The following GPM6A variants were observed in gnomAD, a reference collection of about 807,000 sequenced individuals.
GPM6A encodes the protein neuronal membrane glycoprotein M6-a.
A neutral mutation model predicts 32.1 loss-of-function variants in GPM6A; 7 were observed. That is an observed-to-expected ratio of 0.22 (90% CI 0.12 to 0.41). GPM6A has a LOEUF of 0.41. Ranked by LOEUF, GPM6A falls within the 10% of genes least tolerant of loss-of-function variation. The pLI, the probability that GPM6A is intolerant of heterozygous loss-of-function variation, is 1.00. For missense variants in GPM6A, 235 were observed against 347.2 expected (o/e 0.68, Z 2.57); for synonymous variants, 130 against 123.4 (o/e 1.05, Z -0.35).
chr4:175,663,080 A>T (rs1430502110), intron 3 of GPM6A, among the ~76,000 whole-genome samples: 1 of 152,150 alleles, frequency 6.6e-6, no homozygotes, highest in African/African-American at 2.4e-5. Context: ...ACTAATTACA[A>T]TGTAGGATCT....
chr4:175,671,312 A>G lies in GPM6A; in HGVS notation c.387+2368T>C, dbSNP rs537892603. ...TTTTATATACTTGTTGCAAAAAAAA[A>G]AAATCCACCCTTTAGTATTATTCAG... is the stretch of plus-strand genomic sequence containing the variant. On this transcript the variant is annotated intron_variant, in intron 3 of 6. Coordinates refer to ENST00000393658, the MANE Select transcript of GPM6A (RefSeq NM_201591.3). 4.7e-3 allele frequency among the ~76,000 whole-genome samples: 715 copies of G among 151,852 alleles called. 4 individuals are homozygous for G. Among genetic ancestry groups the G allele is most frequent in the Non-Finnish European group, 7.9e-3 (534 of 67,928 alleles).
At chr4:175,987,451 T>C (rs1405920988) in intron 1 of GPM6A, among the ~76,000 whole-genome samples, 3 of 152,072 alleles carry the variant, frequency 2.0e-5, no homozygotes, top group African/African-American at 7.2e-5. Flanking sequence ...AAAGTTCTCT[T>C]TATGATAGAT....
chr4:175,976,418 G>T (rs111662602), intron 1 of GPM6A, among the ~76,000 whole-genome samples: 1 of 150,734 alleles, frequency 6.6e-6, no homozygotes, highest in Admixed American at 6.6e-5. Context: ...CTCCCGCCTC[G>T]GCCTCCCAAA....
At chr4:175,698,936 TTTG>T (rs998190504) in intron 2 of GPM6A, among the ~76,000 whole-genome samples, 1 of 152,166 alleles carries the variant, frequency 6.6e-6, no homozygotes, top group Non-Finnish European at 1.5e-5. Flanking sequence ...TATATGAAAG[TTTG>T]TTGTTTAAAT....
intron 1 of GPM6A, among the ~76,000 whole-genome samples, chr4:175,896,710 TGGGGTGG>T (rs778916548): frequency 1.1e-4 from 16 of 152,090 alleles, no homozygotes; most frequent in Non-Finnish European, 2.4e-4. Flanking sequence ...TCTATCTTCT[TGGGGTGG>T]GGGCAGGAGA....
intron 1 of GPM6A, among the ~76,000 whole-genome samples, chr4:175,994,163 A>G (rs1052915448): frequency 3.4e-4 from 51 of 152,188 alleles, no homozygotes; most frequent in Non-Finnish European, 1.6e-4. Flanking sequence ...ACAGGAGGTT[A>G]TTAGTAACTT....
At chr4:175,967,687 G>T (rs1483761583) in intron 1 of GPM6A, among the ~76,000 whole-genome samples, 2 of 152,054 alleles carry the variant, frequency 1.3e-5, no homozygotes, top group East Asian at 3.9e-4. Context: ...TTAGAGAAAT[G>T]AAATACCTAG....
intron 1 of GPM6A, among the ~76,000 whole-genome samples, chr4:175,742,060 T>C (rs1731908180): frequency 1.3e-5 from 2 of 152,116 alleles, no homozygotes. Flanking sequence ...TCCATTATTT[T>C]ACATAAAATA....
intron 1 of GPM6A, among the ~76,000 whole-genome samples, chr4:175,847,333 G>T (rs143971054): frequency 6.6e-6 from 1 of 152,066 alleles, no homozygotes; most frequent in African/African-American, 2.4e-5. Flanking sequence ...AGGGTCAACC[G>T]CAGTCCAAAA....
intron 1 of GPM6A, among the ~76,000 whole-genome samples, chr4:175,778,205 G>A (rs1046784197): frequency 1.1e-4 from 16 of 152,262 alleles, no homozygotes; most frequent in African/African-American, 3.6e-4. Flanking sequence ...TTATCCTAAG[G>A]AAGGCTGAAG....
At chr4:175,720,404 A>G (rs910233885) in intron 1 of GPM6A, among the ~76,000 whole-genome samples, 3 of 152,192 alleles carry the variant, frequency 2.0e-5, no homozygotes, top group Non-Finnish European at 2.9e-5. Flanking sequence ...AAGTGAAAAT[A>G]AGAATACTGC....
intron 1 of GPM6A, among the ~76,000 whole-genome samples, chr4:175,833,176 A>T (rs1480328975): frequency 2.6e-5 from 4 of 152,226 alleles, no homozygotes; most frequent in African/African-American, 7.2e-5. Context: ...AAAAAGCAAA[A>T]ATATCATCAG....
intron 1 of GPM6A, among the ~76,000 whole-genome samples, chr4:175,818,456 G>T (rs62336110): frequency 0.24 from 37,033 of 152,056 alleles, 5,292 homozygotes; most frequent in South Asian, 0.37. Flanking sequence ...TATATATATA[G>T]AGAGAGAGTC....
intron 2 of GPM6A, among the ~76,000 whole-genome samples, chr4:175,700,453 T>C (rs1370086651): frequency 2.0e-5 from 3 of 152,136 alleles, no homozygotes; most frequent in Non-Finnish European, 4.4e-5. Flanking sequence ...TAGGTTAAAA[T>C]TATACCAGTT....
chr4:175,778,510 A>C (rs1345095012), intron 1 of GPM6A, among the ~76,000 whole-genome samples: 1 of 151,588 alleles, frequency 6.6e-6, no homozygotes, highest in East Asian at 1.9e-4. Context: ...CTGTAGTCCC[A>C]GCTACTTGGG....
intron 1 of GPM6A, among the ~76,000 whole-genome samples, chr4:175,746,594 T>C (rs910641079): frequency 6.6e-6 from 1 of 152,168 alleles, no homozygotes; most frequent in African/African-American, 2.4e-5. Context: ...AAGCTCCTCA[T>C]ACCCAAAATG....
At chr4:175,672,491 CT>C (rs1259819345) in intron 3 of GPM6A, among the ~76,000 whole-genome samples, 1 of 152,096 alleles carries the variant, frequency 6.6e-6, no homozygotes, top group Non-Finnish European at 1.5e-5. Flanking sequence ...CGGAATTTGC[CT>C]TTTTACTGGA....
chr4:175,682,421 T>C (rs1186009392), intron 2 of GPM6A, among the ~76,000 whole-genome samples: 1 of 152,164 alleles, frequency 6.6e-6, no homozygotes, highest in Non-Finnish European at 1.5e-5. Context: ...AATTCCAGAA[T>C]TCAAGCAGGA....
intron 1 of GPM6A, among the ~76,000 whole-genome samples, chr4:175,982,259 A>G (rs1249623486): frequency 6.6e-6 from 1 of 152,076 alleles, no homozygotes; most frequent in Non-Finnish European, 1.5e-5. Context: ...ATTTTGATGG[A>G]TATCAACTTT....
Sources: gnomAD v4.1 joint callset for allele counts (sites outside exome capture counted in the v4.1 genomes callset) on GRCh38, gnomAD v4.1.1 for gene constraint, MANE v1.5 for transcripts, NCBI Gene and HGNC (gene_info 2026-07-23, HGNC 2026-07-21) for gene names.